AP1S3: variants seen among roughly 807,000 people sequenced by gnomAD.
The protein encoded by AP1S3 is AP-1 complex subunit sigma-3.
AP1S3 carries 10 observed loss-of-function variants against 20.9 expected under a neutral mutation model. The ratio of observed to expected loss-of-function variants is 0.48; its 90% CI spans 0.29 to 0.81. The LOEUF (loss-of-function observed/expected upper bound fraction) is 0.81, where lower values mean the gene tolerates loss of function less well. AP1S3 is among the 30% of genes least tolerant of loss of function. The pLI is 0.08. For synonymous variants in AP1S3, 41 were observed against 61.5 expected, an observed-to-expected ratio of 0.67 and a Z score of 1.56; for missense variants, 154 against 183.8, an observed-to-expected ratio of 0.84 and a Z score of 0.94.
At chr2:223,772,915 C>T (rs921252115) in intron 3 of AP1S3, among the ~76,000 whole-genome samples, 11 of 152,198 alleles carry the variant, frequency 7.2e-5, no homozygotes, top group African/African-American at 2.6e-4. Context: ...TAACAAGAAC[C>T]GAACTTCTAC....
At chr2:223,789,399 C>T (rs1375372473) in intron 1 of AP1S3, among the ~76,000 whole-genome samples, 4 of 152,078 alleles carry the variant, frequency 2.6e-5, no homozygotes, top group East Asian at 1.9e-4. Context: ...GTAAGCTGGG[C>T]GCAGTGGAAT....
intron 1 of AP1S3, among the ~76,000 whole-genome samples, chr2:223,788,410 C>G (rs1691125355): frequency 6.6e-6 from 1 of 151,124 alleles, no homozygotes; most frequent in African/African-American, 2.4e-5. Flanking sequence ...GTCAGGAATT[C>G]AAGACCAGTC....
chr2:223,755,982 A>T lies in AP1S3; in HGVS notation c.*2733T>A, dbSNP rs1376200747. ...TTATCCAAATATGGTGACAAATTTC[A>T]AAAGAACCGGAAAAACTATGATGGA... On this transcript the variant is annotated 3_prime_UTR_variant, in exon 5 of 5. Transcript: ENST00000396654. The T allele has an allele frequency of 1.0e-6, 1 of 985,370 alleles. No homozygotes were observed. Among genetic ancestry groups the T allele is most frequent in the Non-Finnish European group, 1.2e-6 (1 of 829,950 alleles). The allele number at this position is 985,370 out of a possible 1,614,324, so 61.0% of individuals were successfully genotyped here.
intron 1 of AP1S3, among the ~76,000 whole-genome samples, chr2:223,803,169 T>C (rs1238117325): frequency 6.6e-6 from 1 of 152,230 alleles, no homozygotes; most frequent in Non-Finnish European, 1.5e-5. Context: ...AAATTACTTC[T>C]ACTTCATGAA....
chr2:223,795,356 T>C (rs1362454835), intron 1 of AP1S3, among the ~76,000 whole-genome samples: 1 of 152,242 alleles, frequency 6.6e-6, no homozygotes, highest in African/African-American at 2.4e-5. Flanking sequence ...AGAAATAAGA[T>C]TTGCCAGACG....
intron 1 of AP1S3, among the ~76,000 whole-genome samples, chr2:223,811,483 C>T (rs555060603): frequency 5.3e-5 from 8 of 151,036 alleles, no homozygotes; most frequent in Admixed American, 1.3e-4. Context: ...GCAGGAGAAT[C>T]GCTTGAACCC....
In AP1S3 at chr2:223,832,131, CTCTCTGTG is replaced by C. The variant is rs796968281; in HGVS notation, c.3+5309_3+5316del. Among the ~76,000 whole-genome samples, 1,081 of 114,720 alleles carry C rather than the reference CTCTCTGTG, an allele frequency of 9.4e-3. 18 individuals are homozygous for C. The highest frequency in any genetic ancestry group is 0.034 in the South Asian group (114 of 3,322). The allele number at this position is 114,720 out of a possible 152,430, so 75.3% of individuals were successfully genotyped here. On this transcript the variant is annotated intron_variant, in intron 1 of 4. Transcript: ENST00000396654. ...TTCTGGGGATTATTAAAGGAGTTTT[CTCTCTGTG>C]TGTGTGTGTGTGTGTGTGTGTGTGT...
chr2:223,789,189 C>CACACACAT (rs1217124818), intron 1 of AP1S3, among the ~76,000 whole-genome samples: 113 of 151,080 alleles, frequency 7.5e-4, no homozygotes, highest in African/African-American at 2.4e-3. Context: ...CAAATTGCTA[C>CACACACAT]ACACACATAC....
chr2:223,760,947 C>T (rs965725687), intron 4 of AP1S3, among the ~76,000 whole-genome samples: 5 of 152,100 alleles, frequency 3.3e-5, no homozygotes, highest in African/African-American at 1.2e-4. Context: ...TCGGGAGGGG[C>T]CTGGAGTTGA....
intron 3 of AP1S3, among the ~76,000 whole-genome samples, chr2:223,769,905 C>T (rs1469745272): frequency 5.3e-5 from 8 of 151,914 alleles, no homozygotes; most frequent in South Asian, 2.1e-4. Flanking sequence ...CTACCTCGCC[C>T]GGCTAATTTT....
intron 4 of AP1S3, among the ~76,000 whole-genome samples, chr2:223,762,042 G>A (rs1180137460): frequency 6.6e-6 from 1 of 151,710 alleles, no homozygotes; most frequent in Non-Finnish European, 1.5e-5. Context: ...GCATGATCTC[G>A]GCTCACTGCA....
At chr2:223,797,908 C>T (rs569738364) in intron 1 of AP1S3, among the ~76,000 whole-genome samples, 195 of 152,312 alleles carry the variant, frequency 1.3e-3, no homozygotes, top group Non-Finnish European at 1.5e-3. Context: ...AGTCCCTCAT[C>T]GCACTAACAC....
At chr2:223,783,331 T>C (rs991408266) in intron 1 of AP1S3, among the ~76,000 whole-genome samples, 2 of 152,132 alleles carry the variant, frequency 1.3e-5, no homozygotes, top group Admixed American at 1.3e-4. Context: ...AAGGGGCAAC[T>C]TCTGCCAGCC....
chr2:223,810,739 C>CA (rs55748427), intron 1 of AP1S3, among the ~76,000 whole-genome samples: 6 of 150,638 alleles, frequency 4.0e-5, no homozygotes, highest in Non-Finnish European at 5.9e-5. Flanking sequence ...TGTCCCACTT[C>CA]AAAAAAAAAA....
At chr2:223,773,960 AC>A (rs1451117996) in intron 3 of AP1S3, among the ~76,000 whole-genome samples, 7 of 152,230 alleles carry the variant, frequency 4.6e-5, no homozygotes, top group African/African-American at 1.7e-4. Flanking sequence ...AAAATGAGTC[AC>A]AAAGCACTGG....
intron 1 of AP1S3, among the ~76,000 whole-genome samples, chr2:223,821,154 T>C (rs886689126): frequency 1.3e-5 from 2 of 152,070 alleles, no homozygotes; most frequent in African/African-American, 4.8e-5. Context: ...ATCTATCTAT[T>C]TATCTATCTA....
intron 1 of AP1S3, among the ~76,000 whole-genome samples, chr2:223,792,047 T>C (rs1691225784): frequency 6.6e-6 from 1 of 152,092 alleles, no homozygotes; most frequent in African/African-American, 2.4e-5. Flanking sequence ...ACAGAAAGAA[T>C]CAATATCTGA....
chr2:223,837,576 C>T lies in AP1S3; in HGVS notation c.-126G>A. ...GCCCGGCTTAGACCATGGCTGCTTC[C>T]CACAATGCCCTGGCACTGAAAGTGT... On this transcript the variant is annotated 5_prime_UTR_variant, in exon 1 of 5. Coordinates refer to ENST00000396654, the MANE Select transcript of AP1S3 (RefSeq NM_001039569.2). 1 of 532,954 alleles carries T rather than the reference C, an allele frequency of 1.9e-6. No homozygotes were observed. The highest frequency in any genetic ancestry group is 2.9e-6 in the Non-Finnish European group (1 of 350,114). 33.0% of individuals were successfully genotyped at this position (532,954 alleles called of 1,614,324 possible). A position where few individuals can be genotyped will look rare whatever the true frequency, so the allele number is the denominator to read the frequency against.
chr2:223,792,272 A>C (rs1367078053), intron 1 of AP1S3, among the ~76,000 whole-genome samples: 1 of 152,114 alleles, frequency 6.6e-6, no homozygotes, highest in Non-Finnish European at 1.5e-5. Context: ...TGAGGCTACT[A>C]TACTGCTTCA....
Sources: gnomAD v4.1 joint callset for allele counts (sites outside exome capture counted in the v4.1 genomes callset) on GRCh38, gnomAD v4.1.1 for gene constraint, MANE v1.5 for transcripts, NCBI Gene and HGNC (gene_info 2026-07-23, HGNC 2026-07-21) for gene names.